The following NPAS3 variants were observed in gnomAD, a reference collection of about 807,000 sequenced individuals.
NPAS3 encodes the protein neuronal PAS domain protein 3, also known as neuronal PAS domain-containing protein 3.
Under a neutral mutation model 73.1 loss-of-function variants are expected in NPAS3, and 14 were observed. The observed-to-expected ratio is 0.19, with a 90% confidence interval of 0.13 to 0.30. The LOEUF is 0.30. Among genes scored for constraint, NPAS3 ranks in the 10% least tolerant of loss-of-function variants. NPAS3 has a pLI of 1.00. For synonymous variants in NPAS3, 620 were observed against 541.5 expected, an observed-to-expected ratio of 1.14 and a Z score of -2.01; for missense variants, 1,096 against 1,250.0, an observed-to-expected ratio of 0.88 and a Z score of 1.86.
chr14:33,760,092 C>A (rs1395578217), intron 7 of NPAS3, among the ~76,000 whole-genome samples: 1 of 152,164 alleles, frequency 6.6e-6, no homozygotes, highest in African/African-American at 2.4e-5. Context: ...CCCTTCCCAT[C>A]TCAGTAAGTG....
chr14:33,319,018 C>T (rs974563450), intron 3 of NPAS3, among the ~76,000 whole-genome samples: 3 of 152,040 alleles, frequency 2.0e-5, no homozygotes, highest in Admixed American at 6.6e-5. Flanking sequence ...GCAGATTGGC[C>T]GGAGAGTTTT....
chr14:33,477,741 G>A (rs535070891), intron 4 of NPAS3, among the ~76,000 whole-genome samples: 1 of 152,186 alleles, frequency 6.6e-6, no homozygotes, highest in South Asian at 2.1e-4. Flanking sequence ...TTTTACCATA[G>A]TAATAATTTT....
At chr14:33,214,810 A>C (rs926047012) in intron 2 of NPAS3, 1 of 196,334 alleles carries the variant, frequency 5.1e-6, no homozygotes, top group Middle Eastern at 2.1e-3. Context: ...TTAGTTTGAA[A>C]TAGATACACG....
rs147468933 is a variant in NPAS3, at chr14:33,285,751, C to A, written c.385+70325C>A. Among the ~76,000 whole-genome samples the A allele has an allele frequency of 6.7e-3, 1,028 of 152,344 alleles. 12 individuals carry two copies. Among genetic ancestry groups the A allele is most frequent in the Non-Finnish European group, 8.1e-3 (551 of 68,028 alleles). Reference sequence around the variant, plus strand: ...TGAGACATTTGTACCTGCAGTGCCTCCTGCCTGGATTACTCCCCATTCCCC... The same window carrying A: ...TGAGACATTTGTACCTGCAGTGCCTACTGCCTGGATTACTCCCCATTCCCC... On this transcript the variant is annotated intron_variant, in intron 3 of 11. Transcript: ENST00000356141.
chr14:33,643,389 A>C (rs2058731404), intron 5 of NPAS3, among the ~76,000 whole-genome samples: 1 of 147,170 alleles, frequency 6.8e-6, no homozygotes, highest in Non-Finnish European at 1.5e-5. Context: ...AAAAAAAAAA[A>C]AAAAAAAAAC....
intron 5 of NPAS3, among the ~76,000 whole-genome samples, chr14:33,623,080 C>T (rs148097051): frequency 2.6e-5 from 4 of 152,236 alleles, no homozygotes; most frequent in African/African-American, 4.8e-5. Flanking sequence ...TTATAAACAA[C>T]GAGTCCATGG....
intron 4 of NPAS3, among the ~76,000 whole-genome samples, chr14:33,390,793 A>T (rs779026228): frequency 6.6e-6 from 1 of 152,174 alleles, no homozygotes; most frequent in East Asian, 1.9e-4. Context: ...TCTAGAATCT[A>T]TAGTTATATT....
chr14:33,387,252 G>A (rs1200943680), intron 4 of NPAS3, among the ~76,000 whole-genome samples: 1 of 152,112 alleles, frequency 6.6e-6, no homozygotes, highest in East Asian at 1.9e-4. Flanking sequence ...AGCCCCTCAG[G>A]GGAATGGCTG....
chr14:33,665,651 C>CCA (rs1198136108), intron 5 of NPAS3, among the ~76,000 whole-genome samples: 9 of 152,084 alleles, frequency 5.9e-5, no homozygotes, highest in Middle Eastern at 6.8e-3. Context: ...TACTATGTAG[C>CCA]CACAAAAAAT....
chr14:33,159,744 G>A (rs536119695), intron 2 of NPAS3, among the ~76,000 whole-genome samples: 41 of 151,952 alleles, frequency 2.7e-4, no homozygotes, highest in Admixed American at 1.4e-3. Context: ...GAGTAGAGAC[G>A]GGGTTTCACC....
At chr14:33,171,397 C>G (rs2045383305) in intron 2 of NPAS3, among the ~76,000 whole-genome samples, 1 of 152,212 alleles carries the variant, frequency 6.6e-6, no homozygotes, top group Non-Finnish European at 1.5e-5. Context: ...AAGTTACCAG[C>G]TGCTTTAGCT....
intron 5 of NPAS3, among the ~76,000 whole-genome samples, chr14:33,665,238 T>G (rs1469303023): frequency 1.3e-5 from 2 of 152,084 alleles, no homozygotes; most frequent in African/African-American, 4.8e-5. Context: ...AAGTGGGAAT[T>G]GAACAATGAG....
intron 3 of NPAS3, among the ~76,000 whole-genome samples, chr14:33,261,844 C>T (rs1217391821): frequency 2.0e-5 from 3 of 152,120 alleles, no homozygotes; most frequent in Admixed American, 1.3e-4. Flanking sequence ...GAGGTGGTAT[C>T]TATCTTATTA....
At chr14:33,547,390 A>G (rs2054896977) in intron 4 of NPAS3, among the ~76,000 whole-genome samples, 1 of 152,214 alleles carries the variant, frequency 6.6e-6, no homozygotes, top group Non-Finnish European at 1.5e-5. Context: ...TGAAATTTAC[A>G]CTAGCCAACA....
In NPAS3 at chr14:33,797,442, G is replaced by T. The variant is rs750912517; in HGVS notation, c.1302-15G>T. 5.0e-6 allele frequency: 8 copies of T among 1,613,832 alleles called. No individual in the cohort carries two copies. In the South Asian group the frequency reaches 8.8e-5, roughly 18 times the overall value. On this transcript the variant is annotated splice_polypyrimidine_tract_variant and intron_variant, in intron 10 of 11. Coordinates refer to ENST00000356141, the Ensembl canonical transcript of NPAS3. ...ATGGGTGTCTGCACTCCTGACCAGT[G>T]CCTCCCTTCCACAGCAATCCTGAGT... is the stretch of plus-strand genomic sequence containing the variant.
chr14:33,774,478 A>G, exon 8 of NPAS3: 2 of 1,614,172 alleles, frequency 1.2e-6, no homozygotes, highest in African/African-American at 1.3e-5. Flanking sequence ...TGACTGCCAT[A>G]TGTTCGTCAC....
At chr14:33,764,492 TG>T (rs2062396806) in intron 7 of NPAS3, among the ~76,000 whole-genome samples, 1 of 152,176 alleles carries the variant, frequency 6.6e-6, no homozygotes, top group Non-Finnish European at 1.5e-5. Flanking sequence ...CTAAAGAAAA[TG>T]CATCAATGTA....
intron 1 of NPAS3, among the ~76,000 whole-genome samples, chr14:32,965,327 A>G (rs1025796226): frequency 1.1e-4 from 17 of 152,194 alleles, no homozygotes; most frequent in African/African-American, 4.1e-4. Context: ...CTAGCAAACT[A>G]AATTCAACAG....
intron 3 of NPAS3, among the ~76,000 whole-genome samples, chr14:33,223,850 T>A (rs112591801): frequency 0.035 from 5,310 of 152,172 alleles, 301 homozygotes; most frequent in African/African-American, 0.12. Context: ...AAAAAAAATT[T>A]TTTTTTGTTT....
Sources: allele counts gnomAD v4.1 joint callset (sites outside exome capture counted in the v4.1 genomes callset), GRCh38; gene constraint gnomAD v4.1.1; transcripts MANE v1.5; gene names NCBI Gene and HGNC (gene_info 2026-07-23, HGNC 2026-07-21).